CADM2: variants seen among roughly 807,000 people sequenced by gnomAD.
The protein encoded by CADM2 is immunoglobulin superfamily member 4D.
A neutral mutation model predicts 49.8 loss-of-function variants in CADM2; 12 were observed. The ratio of observed to expected loss-of-function variants is 0.24; its 90% CI spans 0.15 to 0.39. The LOEUF (loss-of-function observed/expected upper bound fraction) is 0.39. Among genes scored for constraint, CADM2 ranks in the 10% least tolerant of loss-of-function variants. The probability of loss-of-function intolerance (pLI) is 1.00; values close to 1 mark genes in which losing one functional copy is unlikely to be tolerated. For synonymous variants in CADM2, 214 were observed against 175.4 expected (o/e 1.22, Z -1.74); for missense variants, 378 against 492.3 (o/e 0.77, Z 2.20).
chr3:85,569,411 ATTTGTGTGCAACTT>A (rs1181582514), intron 1 of CADM2, among the ~76,000 whole-genome samples: 1 of 152,120 alleles, frequency 6.6e-6, no homozygotes, highest in African/African-American at 2.4e-5. Context: ...TGCTATGAAT[ATTTGTGTGCAACTT>A]TTTGTGTGAG....
chr3:85,859,202 C>CT (rs2075425882), intron 3 of CADM2, among the ~76,000 whole-genome samples: 1 of 147,982 alleles, frequency 6.8e-6, no homozygotes, highest in Non-Finnish European at 1.5e-5. Flanking sequence ...TACAAGCTAC[C>CT]TTGTGCTTTT....
At chr3:85,699,934 T>C (rs2066698462) in intron 1 of CADM2, among the ~76,000 whole-genome samples, 1 of 152,218 alleles carries the variant, frequency 6.6e-6, no homozygotes, top group Non-Finnish European at 1.5e-5. Context: ...CTTTAAATAT[T>C]AGTTCTAGTT....
intron 1 of CADM2, among the ~76,000 whole-genome samples, chr3:85,286,718 A>T (rs1349629831): frequency 1.3e-5 from 2 of 152,184 alleles, no homozygotes; most frequent in Admixed American, 6.6e-5. Context: ...TCATTTGATT[A>T]TGCAAGCCAA....
chr3:86,017,741 A>G (rs1423755956), intron 8 of CADM2, among the ~76,000 whole-genome samples: 3 of 151,196 alleles, frequency 2.0e-5, no homozygotes, highest in Admixed American at 6.6e-5. Context: ...AAAAAAAAAA[A>G]GAAAGAAAAA....
chr3:85,726,788 TATTTCAAAGTGCAATAA>T (rs1677343299), intron 2 of CADM2, among the ~76,000 whole-genome samples: 1 of 152,094 alleles, frequency 6.6e-6, no homozygotes, highest in Admixed American at 6.6e-5. Context: ...TATTCCTAAG[TATTTCAAAGTGCAATAA>T]AGTGCTTTTT....
intron 8 of CADM2, among the ~76,000 whole-genome samples, chr3:85,988,218 C>A (rs1462430592): frequency 6.6e-6 from 1 of 152,208 alleles, no homozygotes; most frequent in Non-Finnish European, 1.5e-5. Flanking sequence ...TTTAAAACAT[C>A]TCTTGCTTCA....
chr3:85,164,747 C>G (rs1386220799), intron 1 of CADM2, among the ~76,000 whole-genome samples: 2 of 151,948 alleles, frequency 1.3e-5, no homozygotes, highest in Non-Finnish European at 2.9e-5. Flanking sequence ...TGGAGTTTGT[C>G]TTTCACATGC....
intron 8 of CADM2, among the ~76,000 whole-genome samples, chr3:85,991,469 A>T (rs1430340464): frequency 6.6e-6 from 1 of 152,170 alleles, no homozygotes; most frequent in African/African-American, 2.4e-5. Flanking sequence ...TCAAATAAAT[A>T]AAAAACAATT....
At chr3:86,049,206 G>T (rs1737042787) in intron 8 of CADM2, among the ~76,000 whole-genome samples, 1 of 151,966 alleles carries the variant, frequency 6.6e-6, no homozygotes, top group Non-Finnish European at 1.5e-5. Flanking sequence ...GACTGTATTA[G>T]TCCATTCTCA....
At chr3:85,910,807 T>TA (rs1357699415) in intron 5 of CADM2, among the ~76,000 whole-genome samples, 2 of 152,042 alleles carry the variant, frequency 1.3e-5, no homozygotes, top group Admixed American at 6.5e-5. Context: ...GAACAAGACA[T>TA]ATCACATCTA....
intron 8 of CADM2, among the ~76,000 whole-genome samples, chr3:85,968,870 T>C (rs1374320336): frequency 6.6e-6 from 1 of 151,752 alleles, no homozygotes. Context: ...ATAGAAGACA[T>C]AGATTTTTAC....
intron 1 of CADM2, among the ~76,000 whole-genome samples, chr3:85,124,344 CTA>C (rs774394748): frequency 6.6e-6 from 1 of 152,138 alleles, no homozygotes; most frequent in Non-Finnish European, 1.5e-5. Flanking sequence ...TAGCTCATGA[CTA>C]TAATCTCAGC....
intron 1 of CADM2, among the ~76,000 whole-genome samples, chr3:85,120,234 G>A (rs1418420179): frequency 2.0e-5 from 3 of 152,152 alleles, no homozygotes; most frequent in Non-Finnish European, 4.4e-5. Context: ...CACTGTAGGT[G>A]GTAGTGTAAA....
intron 1 of CADM2, 175 bp from the exon 2 acceptor site, chr3:85,726,347 C>A: frequency 1.5e-6 from 1 of 664,556 alleles, no homozygotes; most frequent in Admixed American, 2.4e-5. Flanking sequence ...GGATCTTACT[C>A]ATAACACTAA....
intron 1 of CADM2, among the ~76,000 whole-genome samples, chr3:85,601,130 G>GTGTGTGTGTGTA (rs1328015269): frequency 7.3e-5 from 8 of 109,622 alleles, no homozygotes; most frequent in African/African-American, 3.2e-4. Context: ...ATATATGTGT[G>GTGTGTGTGTGTA]TATATATATA....
chr3:84,965,601 A>T (rs1298679064), intron 1 of CADM2, among the ~76,000 whole-genome samples: 1 of 152,194 alleles, frequency 6.6e-6, no homozygotes, highest in African/African-American at 2.4e-5. Context: ...AACTATCGGG[A>T]ACATAGGTCA....
At chr3:85,498,029 A>G (rs758146163) in intron 1 of CADM2, among the ~76,000 whole-genome samples, 6 of 152,098 alleles carry the variant, frequency 3.9e-5, no homozygotes, top group Non-Finnish European at 8.8e-5. Flanking sequence ...TTTTCATAGT[A>G]ATGGACATAC....
chr3:85,177,424 G>A (rs1310546249), intron 1 of CADM2, among the ~76,000 whole-genome samples: 4 of 151,856 alleles, frequency 2.6e-5, no homozygotes, highest in Non-Finnish European at 4.4e-5. Flanking sequence ...GTTGGAACAA[G>A]AAATAATAAG....
At chr3:85,816,458 C>G (rs2073210939) in intron 3 of CADM2, among the ~76,000 whole-genome samples, 1 of 152,100 alleles carries the variant, frequency 6.6e-6, no homozygotes, top group Non-Finnish European at 1.5e-5. Context: ...CTACAATGTA[C>G]AGTCTCCAGT....
Sources: gnomAD v4.1 joint callset for allele counts (sites outside exome capture counted in the v4.1 genomes callset) on GRCh38, gnomAD v4.1.1 for gene constraint, MANE v1.5 for transcripts, NCBI Gene and HGNC (gene_info 2026-07-23, HGNC 2026-07-21) for gene names.